The following BFSP2 variants were observed in gnomAD, a reference collection of about 807,000 sequenced individuals.
BFSP2 encodes beaded filament structural protein 2, also known as phakinin.
BFSP2 carries 38 observed loss-of-function variants against 44.9 expected under a neutral mutation model. The observed-to-expected ratio is 0.85, with a 90% CI of 0.65 to 1.11. The LOEUF is 1.11. Ranked by LOEUF, BFSP2 falls within the 50% of genes least tolerant of loss-of-function variation. The pLI is 0.00. For synonymous variants in BFSP2, 197 were observed against 209.9 expected, an observed-to-expected ratio of 0.94 and a Z score of 0.53; for missense variants, 525 against 533.0, an observed-to-expected ratio of 0.99 and a Z score of 0.15.
At chr3:133,423,562 C>A (rs1576568066) in intron 1 of BFSP2, among the ~76,000 whole-genome samples, 1 of 13,092 alleles carries the variant, frequency 7.6e-5, no homozygotes, top group African/African-American at 3.1e-4. Context: ...GTGGGGGAGG[C>A]GGCGGGGGCG....
chr3:133,438,317 G>C (rs2073810847), intron 1 of BFSP2, among the ~76,000 whole-genome samples: 1 of 152,180 alleles, frequency 6.6e-6, no homozygotes, highest in Non-Finnish European at 1.5e-5. Context: ...ACCTGAGGTT[G>C]GGAGTTCGAG....
chr3:133,417,079 A>C (rs1238717777), intron 1 of BFSP2, among the ~76,000 whole-genome samples: 5 of 94,264 alleles, frequency 5.3e-5, no homozygotes, highest in Admixed American at 1.1e-4. Flanking sequence ...TCTCCCTTCT[A>C]CTCAGCCCTG....
chr3:133,440,007 C>T (rs2073828678), intron 1 of BFSP2, among the ~76,000 whole-genome samples: 1 of 152,096 alleles, frequency 6.6e-6, no homozygotes, highest in Non-Finnish European at 1.5e-5. Flanking sequence ...ATACCTGAGA[C>T]TGGGTAATTC....
At chr3:133,418,512 C>T (rs1444552883) in intron 1 of BFSP2, among the ~76,000 whole-genome samples, 1 of 152,154 alleles carries the variant, frequency 6.6e-6, no homozygotes, top group African/African-American at 2.4e-5. Context: ...ATGAGGCGCT[C>T]ATGGCAGCAT....
intron 1 of BFSP2, among the ~76,000 whole-genome samples, chr3:133,429,911 C>T (rs2073693629): frequency 6.6e-6 from 1 of 151,268 alleles, no homozygotes; most frequent in African/African-American, 2.5e-5. Flanking sequence ...CCCACTACCC[C>T]CACCCCACAA....
chr3:133,411,203 A>G (rs577603110), intron 1 of BFSP2, among the ~76,000 whole-genome samples: 1 of 148,812 alleles, frequency 6.7e-6, no homozygotes, highest in East Asian at 2.0e-4. Flanking sequence ...AAAAAAACTA[A>G]TTAATCACCT....
intron 1 of BFSP2, among the ~76,000 whole-genome samples, chr3:133,434,172 T>C (rs2073757674): frequency 6.6e-6 from 1 of 152,220 alleles, no homozygotes; most frequent in Non-Finnish European, 1.5e-5. Flanking sequence ...TGAATCTCCT[T>C]AGGCACTCAC....
chr3:133,434,058 ACT>A (rs1313456537), intron 1 of BFSP2, among the ~76,000 whole-genome samples: 2 of 152,142 alleles, frequency 1.3e-5, no homozygotes, highest in East Asian at 1.9e-4. Context: ...GCCAGTTTAC[ACT>A]GTTTCTCCAA....
At chr3:133,401,717 C>T (rs760182238) in intron 1 of BFSP2, among the ~76,000 whole-genome samples, 12 of 152,188 alleles carry the variant, frequency 7.9e-5, no homozygotes, top group Non-Finnish European at 8.8e-5. Context: ...AGTCTCTAAC[C>T]CACCAGGGAC....
At chr3:133,455,806 G>A (rs41356947) in intron 4 of BFSP2, 1,819 of 152,460 alleles carry the variant, frequency 0.012, 34 homozygotes, top group African/African-American at 0.041. Context: ...CACGGGTCCC[G>A]TCTTTCTTGT....
intron 4 of BFSP2, among the ~76,000 whole-genome samples, chr3:133,451,124 A>AG (rs2073961113): frequency 2.0e-5 from 3 of 151,796 alleles, no homozygotes; most frequent in Admixed American, 1.3e-4. Flanking sequence ...AAAAAAAAAA[A>AG]AAAAAGAATA....
chr3:133,411,119 ATAT>A (rs1482472030), intron 1 of BFSP2, among the ~76,000 whole-genome samples: 2 of 152,016 alleles, frequency 1.3e-5, no homozygotes, highest in Non-Finnish European at 2.9e-5. Flanking sequence ...TTTTAAAAGA[ATAT>A]TATTAAGAAC....
intron 1 of BFSP2, among the ~76,000 whole-genome samples, chr3:133,420,921 C>T (rs1290322192): frequency 6.6e-6 from 1 of 152,238 alleles, no homozygotes; most frequent in Admixed American, 6.5e-5. Flanking sequence ...TGAGTTAGAA[C>T]ATAGCAAGTC....
At chr3:133,413,525 G>A (rs1170740167) in intron 1 of BFSP2, among the ~76,000 whole-genome samples, 1 of 152,096 alleles carries the variant, frequency 6.6e-6, no homozygotes, top group South Asian at 2.1e-4. Context: ...CAAGCAGAAT[G>A]TTACTCAGGG....
rs761732703 is a variant in BFSP2, at chr3:133,446,649, T to TCTTGGGTTGAAGGGAGGACA, written c.490-666_490-647dup. On this transcript the variant is annotated intron_variant, in intron 1 of 6. Transcript: ENST00000302334. ...ATATATATATATATATAAAGGAGTTTCTTGGGTTGAAGGGAGGACACCCCT... is the reference window on the plus strand; with the variant it reads ...ATATATATATATATATAAAGGAGTTTCTTGGGTTGAAGGGAGGACACTTGGGTTGAAGGGAGGACACCCCT... Among the ~76,000 whole-genome samples the TCTTGGGTTGAAGGGAGGACA allele has an allele frequency of 1.8e-3, 199 of 108,528 alleles. 4 individuals carry two copies. The highest frequency in any genetic ancestry group is 0.011 in the Middle Eastern group (2 of 180). 71.2% of individuals were successfully genotyped at this position (108,528 alleles called of 152,430 possible).
At chr3:133,454,808 A>G (rs1181967695) in intron 4 of BFSP2, among the ~76,000 whole-genome samples, 1 of 152,236 alleles carries the variant, frequency 6.6e-6, no homozygotes, top group Non-Finnish European at 1.5e-5. Context: ...TAAAATGCAA[A>G]CACGTCATAC....
intron 1 of BFSP2, among the ~76,000 whole-genome samples, chr3:133,428,813 G>T (rs1398261496): frequency 6.6e-6 from 1 of 152,136 alleles, no homozygotes; most frequent in Non-Finnish European, 1.5e-5. Context: ...GCCTGCCCTC[G>T]CTCTGACCTG....
intron 4 of BFSP2, among the ~76,000 whole-genome samples, chr3:133,460,719 GAACCCCTGTATTCCCAC>G (rs1029729513): frequency 1.3e-4 from 20 of 152,192 alleles, no homozygotes; most frequent in African/African-American, 4.8e-4. Flanking sequence ...ACAAGATAGG[GAACCCCTGTATTCCCAC>G]GGGACCATTG....
At chr3:133,445,894 T>C (rs967220562) in intron 1 of BFSP2, among the ~76,000 whole-genome samples, 1 of 152,126 alleles carries the variant, frequency 6.6e-6, no homozygotes, top group Non-Finnish European at 1.5e-5. Context: ...AGGGTAGGAA[T>C]TGTTACCTTA....
Sources: allele counts gnomAD v4.1 joint callset (sites outside exome capture counted in the v4.1 genomes callset), GRCh38; gene constraint gnomAD v4.1.1; transcripts MANE v1.5; gene names NCBI Gene and HGNC (gene_info 2026-07-23, HGNC 2026-07-21).